The following OCA2 variants were observed in gnomAD, a reference collection of about 807,000 sequenced individuals.
OCA2 encodes the protein P protein.
OCA2 carries 77 observed loss-of-function variants against 100.2 expected under a neutral mutation model. That is an observed-to-expected ratio of 0.77 (90% confidence interval 0.64 to 0.93). The LOEUF is 0.93. Among genes scored for constraint, OCA2 ranks in the 40% least tolerant of loss-of-function variants. The pLI is 0.00. For synonymous variants in OCA2, 432 were observed against 439.2 expected (o/e 0.98, Z 0.21); for missense variants, 1,062 against 1,089.1 (o/e 0.98, Z 0.35).
intron 18 of OCA2, among the ~76,000 whole-genome samples, chr15:27,926,706 C>A (rs950429557): frequency 3.3e-5 from 5 of 152,132 alleles, no homozygotes; most frequent in Admixed American, 2.6e-4. Flanking sequence ...ACCTCCACCT[C>A]CCAGGCTCAA....
chr15:28,053,473 A>C (rs17652274), intron 2 of OCA2, among the ~76,000 whole-genome samples: 1 of 152,158 alleles, frequency 6.6e-6, no homozygotes, highest in African/African-American at 2.4e-5. Context: ...CCTCAAAGTG[A>C]CCCTGGCTGA....
At chr15:27,795,527 C>T (rs992632959) in intron 23 of OCA2, among the ~76,000 whole-genome samples, 2 of 152,220 alleles carry the variant, frequency 1.3e-5, no homozygotes, top group Non-Finnish European at 2.9e-5. Flanking sequence ...GGCACTACAA[C>T]CAAACGGGCC....
chr15:28,067,071 C>T (rs889149410), intron 2 of OCA2, among the ~76,000 whole-genome samples: 2 of 152,178 alleles, frequency 1.3e-5, no homozygotes, highest in African/African-American at 4.8e-5. Flanking sequence ...AAGCTGTAAC[C>T]TCGGACCTCC....
intron 3 of OCA2, among the ~76,000 whole-genome samples, chr15:28,030,543 T>A (rs1325607067): frequency 6.6e-6 from 1 of 152,192 alleles, no homozygotes; most frequent in African/African-American, 2.4e-5. Context: ...CCCAGATGGC[T>A]GCATACCATC....
intron 23 of OCA2, among the ~76,000 whole-genome samples, chr15:27,760,941 C>T (rs1480016057): frequency 6.6e-6 from 1 of 151,968 alleles, no homozygotes; most frequent in Non-Finnish European, 1.5e-5. Flanking sequence ...TGTATTACCT[C>T]AACCCCATAA....
intron 23 of OCA2, among the ~76,000 whole-genome samples, chr15:27,759,164 A>C (rs1239018567): frequency 6.6e-6 from 1 of 152,214 alleles, no homozygotes; most frequent in Non-Finnish European, 1.5e-5. Context: ...TTTTTAATTG[A>C]TAAAAGACAT....
At chr15:27,732,888 A>G in the OCA2 span, among the ~76,000 whole-genome samples, 1 of 152,244 alleles carries the variant, frequency 6.6e-6, no homozygotes, top group Non-Finnish European at 1.5e-5. Flanking sequence ...CCCAACAGGA[A>G]GAACTCAATT....
At chr15:27,870,299 G>A (rs1349460636) in intron 21 of OCA2, among the ~76,000 whole-genome samples, 1 of 152,228 alleles carries the variant, frequency 6.6e-6, no homozygotes, top group Admixed American at 6.5e-5. Context: ...CTGCCATGGG[G>A]AGTGCTCACC....
At chr15:28,066,412 G>T (rs912122704) in intron 2 of OCA2, among the ~76,000 whole-genome samples, 2 of 152,102 alleles carry the variant, frequency 1.3e-5, no homozygotes, top group Admixed American at 1.3e-4. Context: ...TGATGGGAGA[G>T]GGGGGTGGGA....
intron 23 of OCA2, among the ~76,000 whole-genome samples, chr15:27,812,853 C>T (rs2034132914): frequency 6.6e-6 from 1 of 152,104 alleles, no homozygotes; most frequent in South Asian, 2.1e-4. Context: ...TAAGGCTGTG[C>T]CATGGCCCTC....
chr15:28,045,425 TA>T (rs933432667), intron 2 of OCA2, among the ~76,000 whole-genome samples: 19 of 152,242 alleles, frequency 1.2e-4, no homozygotes, highest in African/African-American at 4.3e-4. Flanking sequence ...GTCACATTTT[TA>T]CATGTGATAT....
chr15:27,829,056 G>A (rs1298959812), intron 23 of OCA2, among the ~76,000 whole-genome samples: 14 of 152,212 alleles, frequency 9.2e-5, no homozygotes, highest in Non-Finnish European at 1.5e-5. Context: ...CACACTTGGG[G>A]AGGCAGTAGC....
chr15:27,828,105 T>C (rs1414803646), intron 23 of OCA2, among the ~76,000 whole-genome samples: 1 of 152,184 alleles, frequency 6.6e-6, no homozygotes, highest in Non-Finnish European at 1.5e-5. Context: ...TTGGAGCACC[T>C]AATTTTCAAC....
chr15:27,837,262 A>T (rs2035189047), intron 23 of OCA2, among the ~76,000 whole-genome samples: 1 of 152,246 alleles, frequency 6.6e-6, no homozygotes, highest in African/African-American at 2.4e-5. Flanking sequence ...TGGCAGAAAG[A>T]ACGAGTTCTG....
intron 13 of OCA2, among the ~76,000 whole-genome samples, chr15:27,984,534 G>C (rs1332508683): frequency 6.6e-6 from 1 of 152,094 alleles, no homozygotes; most frequent in Non-Finnish European, 1.5e-5. Context: ...GGCACCTGGT[G>C]GTCTGGGGTG....
intron 23 of OCA2, among the ~76,000 whole-genome samples, chr15:27,822,417 C>T (rs1166455638): frequency 1.3e-5 from 2 of 152,138 alleles, no homozygotes; most frequent in Admixed American, 6.5e-5. Context: ...TAAGTGAAAA[C>T]AGAGTGGCAT....
chr15:28,005,128 A>T (rs1404665399), intron 9 of OCA2, among the ~76,000 whole-genome samples: 1 of 151,862 alleles, frequency 6.6e-6, no homozygotes, highest in Non-Finnish European at 1.5e-5. Context: ...GGCTCCTCTC[A>T]CACTGCCTGT....
At chr15:27,897,235 G>C (rs1287533262) in intron 19 of OCA2, among the ~76,000 whole-genome samples, 1 of 151,828 alleles carries the variant, frequency 6.6e-6, no homozygotes, top group Non-Finnish European at 1.5e-5. Flanking sequence ...TCCCATCACA[G>C]GCCCAGAGGC....
At chr15:27,947,981 T>C (rs1021515042) in intron 18 of OCA2, among the ~76,000 whole-genome samples, 1 of 152,158 alleles carries the variant, frequency 6.6e-6, no homozygotes, top group African/African-American at 2.4e-5. Context: ...AATAGTTAAG[T>C]TGGAATCTGT....
Sources: gnomAD v4.1 joint callset for allele counts (sites outside exome capture counted in the v4.1 genomes callset) on GRCh38, gnomAD v4.1.1 for gene constraint, MANE v1.5 for transcripts, NCBI Gene and HGNC (gene_info 2026-07-23, HGNC 2026-07-21) for gene names.